The following COL22A1 variants were observed in gnomAD, a reference collection of about 807,000 sequenced individuals.
The protein encoded by COL22A1 is collagen alpha-1(XXII) chain.
In COL22A1, 221 loss-of-function variants were observed where a neutral mutation model predicts 248.9. That is an observed-to-expected ratio of 0.89 (90% CI 0.80 to 0.99). The LOEUF (loss-of-function observed/expected upper bound fraction) is 0.99, where lower values mean the gene tolerates loss of function less well. Among genes scored for constraint, COL22A1 ranks in the 50% least tolerant of loss-of-function variants. The pLI is 0.00. For synonymous variants in COL22A1, 891 were observed against 793.4 expected, an observed-to-expected ratio of 1.12 and a Z score of -2.07; for missense variants, 2,240 against 2,179.0, an observed-to-expected ratio of 1.03 and a Z score of -0.56.
chr8:138,602,923 C>T (rs1216524507), intron 59 of COL22A1, among the ~76,000 whole-genome samples: 2 of 152,228 alleles, frequency 1.3e-5, no homozygotes, highest in African/African-American at 4.8e-5. Context: ...CTTTCTTTCT[C>T]CCCAGATATG....
intron 15 of COL22A1, chr8:138,778,027 C>T (rs1356483935): frequency 4.8e-6 from 2 of 419,812 alleles, no homozygotes; most frequent in Admixed American, 3.6e-5. Context: ...CAGTACAGGA[C>T]AGGCTGGGGA....
intron 43 of COL22A1, among the ~76,000 whole-genome samples, chr8:138,660,944 A>G (rs1587795745): frequency 2.1e-5 from 1 of 47,924 alleles, no homozygotes; most frequent in South Asian, 5.5e-4. Flanking sequence ...AGACACACAC[A>G]TAAACACACA....
intron 56 of COL22A1, among the ~76,000 whole-genome samples, chr8:138,612,988 C>A (rs948150757): frequency 6.8e-6 from 1 of 147,410 alleles, no homozygotes; most frequent in African/African-American, 2.5e-5. Flanking sequence ...GTGGCTTACG[C>A]CTGTAATCCC....
At chr8:138,612,806 C>T (rs1030090714) in intron 56 of COL22A1, among the ~76,000 whole-genome samples, 5 of 151,604 alleles carry the variant, frequency 3.3e-5, no homozygotes, top group African/African-American at 4.9e-5. Context: ...CGTGGTGGCA[C>T]GCACCTGTAA....
chr8:138,649,038 C>A (rs1822455410), intron 46 of COL22A1, among the ~76,000 whole-genome samples: 1 of 152,204 alleles, frequency 6.6e-6, no homozygotes, highest in African/African-American at 2.4e-5. Context: ...TTCTCTTCCA[C>A]CTTTGTGAAG....
Position 138,751,470 on chromosome 8 carries a change from C to A in COL22A1, c.2073G>T (p.Leu691Phe), listed in dbSNP as rs750315465. The part of the protein sequence containing the change: ...GPEGRDGPPG[L>F]QGLRGKKGDM... ...AGAGTTTACTTACTCGGAGACCTTG[C>A]AAACCAGGAGGTCCATCCCTGCCTT... is the stretch of plus-strand genomic sequence containing the variant. Residue 691 changes from leucine to phenylalanine, a missense_variant, in exon 22 of 65, where the codon TTG (leucine) becomes TTT (phenylalanine). Transcript: ENST00000303045. 1 of 1,612,338 alleles carries A rather than the reference C, an allele frequency of 6.2e-7. No homozygotes were observed. The highest frequency in any genetic ancestry group is 1.1e-5 in the South Asian group (1 of 90,806).
At position 138,822,549 on chromosome 8, in the gene COL22A1, G is replaced by A. The variant is rs114404563; in HGVS notation, c.970-1138C>T. ...GAGTATCCATTGAGTGAATGAAATA[G>A]TATTTCCTTGTTCCATCTCTGCAAG... On this transcript the variant is annotated intron_variant, in intron 6 of 64. Coordinates refer to ENST00000303045, the MANE Select transcript of COL22A1 (RefSeq NM_152888.3). Among the ~76,000 whole-genome samples, 353 of 152,284 alleles carry A rather than the reference G, an allele frequency of 2.3e-3. 4 individuals carry two copies. Among genetic ancestry groups the A allele is most frequent in the African/African-American group, 8.2e-3 (339 of 41,572 alleles).
rs370949852 is a variant in COL22A1, at chr8:138,794,364, C to T, written c.1596+2455G>A. ...ATCGTGCCATTGCACTCTAGCCTGGCGACAGAGTGAGACTCCATCTCCAAA... is the reference window on the plus strand; with the variant it reads ...ATCGTGCCATTGCACTCTAGCCTGGTGACAGAGTGAGACTCCATCTCCAAA... On this transcript the variant is annotated intron_variant, in intron 12 of 64. Transcript: ENST00000303045. Among the ~76,000 whole-genome samples, 28 of 149,222 alleles carry T rather than the reference C, an allele frequency of 1.9e-4. No homozygotes were observed. In the South Asian group the frequency reaches 3.4e-3, roughly 18 times the overall value.
At chr8:138,789,824 C>T (rs1815873795) in intron 12 of COL22A1, among the ~76,000 whole-genome samples, 2 of 152,230 alleles carry the variant, frequency 1.3e-5, no homozygotes, top group Non-Finnish European at 2.9e-5. Context: ...GAGGCTGAAG[C>T]TCATAAACTG....
At chr8:138,758,473 A>G (rs7824025) in intron 18 of COL22A1, among the ~76,000 whole-genome samples, 45 of 152,230 alleles carry the variant, frequency 3.0e-4, no homozygotes, top group African/African-American at 1.1e-3. Flanking sequence ...AAAATGCATC[A>G]CCTGATATTT....
At chr8:138,630,461 T>C (rs1001316151) in intron 50 of COL22A1, among the ~76,000 whole-genome samples, 4 of 152,312 alleles carry the variant, frequency 2.6e-5, no homozygotes, top group African/African-American at 7.2e-5. Flanking sequence ...AATTCTGGAA[T>C]CACAGATCTT....
intron 47 of COL22A1, among the ~76,000 whole-genome samples, chr8:138,639,179 A>G (rs1212349972): frequency 6.6e-6 from 1 of 152,344 alleles, no homozygotes; most frequent in Non-Finnish European, 1.5e-5. Flanking sequence ...GCTTATTATC[A>G]GAGTGTTAGA....
intron 22 of COL22A1, among the ~76,000 whole-genome samples, chr8:138,748,646 T>G (rs1479612821): frequency 6.6e-6 from 1 of 152,164 alleles, no homozygotes; most frequent in Non-Finnish European, 1.5e-5. Flanking sequence ...TCACCCTGTT[T>G]GCTTCTCTGG....
chr8:138,811,894 G>A lies in COL22A1; in HGVS notation c.1354C>T (p.Pro452Ser). The change falls in exon 9 of 65, where the codon CCA becomes TCA. Residue 452 changes from proline (P) to serine (S), a missense_variant. Physicochemically the swap from Pro to Ser is moderately conservative, Grantham distance 74. Coordinates refer to ENST00000303045, the MANE Select transcript of COL22A1 (RefSeq NM_152888.3). ...GGCCGCTGGGGTGGGGGTGGAGGTG[G>A]AGGCTCTGTCACCACGGTCACCTGG... Reference protein sequence around the residue: ...PCQVTVVTEPPPPPPPQRPPT... With the variant: ...PCQVTVVTEPSPPPPPQRPPT... The A allele has an allele frequency of 6.4e-7, 1 of 1,559,274 alleles. No homozygotes were observed. Among genetic ancestry groups the A allele is most frequent in the Non-Finnish European group, 8.7e-7 (1 of 1,152,748 alleles).
At chr8:138,651,487 T>C (rs72727848) in intron 45 of COL22A1, among the ~76,000 whole-genome samples, 13 of 152,298 alleles carry the variant, frequency 8.5e-5, no homozygotes, top group Non-Finnish European at 8.8e-5. Context: ...CCATCTTCTT[T>C]TAGTGGTTAG....
chr8:138,898,416 G>A (rs1289183810), intron 1 of COL22A1, among the ~76,000 whole-genome samples: 2 of 146,518 alleles, frequency 1.4e-5, no homozygotes, highest in African/African-American at 2.5e-5. Flanking sequence ...CATACCCTCC[G>A]CCACCACTCC....
rs140856574 is a variant in COL22A1 at position 138,721,179 on chromosome 8, C to T, written c.2302-387G>A. 2.1e-3 allele frequency among the ~76,000 whole-genome samples: 321 copies of T among 152,266 alleles called. 3 individuals are homozygous for T. The highest frequency in any genetic ancestry group is 0.013 in the Admixed American group (203 of 15,304). ...ATATTTACATTCAATGCCTAGAAAACTAAATTAAATCCACACTTATTCTGT... is the reference window on the plus strand; with the variant it reads ...ATATTTACATTCAATGCCTAGAAAATTAAATTAAATCCACACTTATTCTGT... On this transcript the variant is annotated intron_variant, in intron 26 of 64. Transcript: ENST00000303045.
rs1815108726 is a variant in COL22A1 at position 138,782,537 on chromosome 8, G to A, written c.1597-1557C>T. Among the ~76,000 whole-genome samples, 3 of 152,118 alleles carry A rather than the reference G, an allele frequency of 2.0e-5. No individual in the cohort carries two copies. In the South Asian group the frequency reaches 6.2e-4, roughly 32 times the overall value. On this transcript the variant is annotated intron_variant, in intron 12 of 64. Coordinates refer to ENST00000303045, the MANE Select transcript of COL22A1 (RefSeq NM_152888.3). ...GGCATGGGGGATATGGTGGTGGCAG[G>A]CACCTATAATCCCAGCTACTTGGGA...
At chr8:138,718,110 G>A (rs1829583729) in intron 27 of COL22A1, among the ~76,000 whole-genome samples, 1 of 147,974 alleles carries the variant, frequency 6.8e-6, no homozygotes, top group African/African-American at 2.5e-5. Context: ...CCAACTTATT[G>A]GAGAGAAAGA....
Sources: gnomAD v4.1 joint callset for allele counts (sites outside exome capture counted in the v4.1 genomes callset) on GRCh38, gnomAD v4.1.1 for gene constraint, MANE v1.5 for transcripts, NCBI Gene and HGNC (gene_info 2026-07-23, HGNC 2026-07-21) for gene names.